Variants in PRX observed in about 807,000 individuals in gnomAD.
PRX encodes periaxin.
A neutral mutation model predicts 29.6 loss-of-function variants in PRX; 24 were observed. That is an observed-to-expected ratio of 0.81 (90% CI 0.59 to 1.14). PRX has a LOEUF of 1.14. Ranked by LOEUF, PRX falls within the 50% of genes most tolerant of loss-of-function variation. The pLI, the probability that PRX is intolerant of heterozygous loss-of-function variation, is 0.00. For synonymous variants in PRX, 772 were observed against 831.7 expected (o/e 0.93, Z 1.24); for missense variants, 1,838 against 1,926.4 (o/e 0.95, Z 0.86).
upstream of PRX, among the ~76,000 whole-genome samples, chr19:40,414,414 G>A (rs963534797): frequency 6.6e-5 from 10 of 152,130 alleles, no homozygotes; most frequent in African/African-American, 1.4e-4. Context: ...GTGAGCCACC[G>A]CGTCCAGCTA....
In PRX at chr19:40,403,727, T is replaced by C. The variant is rs763366666; in HGVS notation, c.163A>G (p.Arg55Gly). 4 of 1,563,378 alleles carry C rather than the reference T, an allele frequency of 2.6e-6. No homozygotes were observed. Among genetic ancestry groups the C allele is most frequent in the Middle Eastern group, 2.0e-4 (1 of 4,934 alleles). The change falls in exon 5 of 7, where the codon AGG becomes GGG. Residue 55 changes from arginine (R) to glycine (G), a missense_variant. Arg to Gly is a moderately radical substitution (Grantham distance 125). Transcript: ENST00000324001. ...RELREDSPAA[R>G]SLSLQEGDQL... ...CCACCTTCCTGCAGGCTGAGGCTCC[T>C]GGCGGCGGGTGAGTCCTCGCGCAGC...
At chr19:40,410,276 T>G (rs79563280) in intron 1 of PRX, among the ~76,000 whole-genome samples, 6 of 152,122 alleles carry the variant, frequency 3.9e-5, no homozygotes, top group Non-Finnish European at 7.4e-5. Flanking sequence ...CAACCCCTAT[T>G]GCACAGGGAA....
chr19:40,396,125 G>A lies in PRX; in HGVS notation c.2227C>T (p.Pro743Ser). The A allele has an allele frequency of 6.2e-7, 1 of 1,613,904 alleles. No homozygotes were observed. The highest frequency in any genetic ancestry group is 8.5e-7 in the Non-Finnish European group (1 of 1,179,808). ...GACACTTTCGGCAGCTGCACCTCGG[G>A]GAGGTGCACATCGGGCACAGCCATC... ...PEMAVPDVHL[P>S]EVQLPKVSEI... Residue 743 changes from proline (P) to serine (S), a missense_variant, in exon 7 of 7, where the codon CCC (proline) becomes TCC (serine). Transcript: ENST00000324001.
intron 5 of PRX, among the ~76,000 whole-genome samples, chr19:40,399,850 C>CCTCT (rs1555801715): frequency 2.5e-5 from 3 of 119,624 alleles, no homozygotes; most frequent in Non-Finnish European, 3.6e-5. Flanking sequence ...AGCTTTCTTT[C>CCTCT]CTTTCTTTCT....
rs2613842 is a variant in PRX at position 40,403,914 on chromosome 19, C to T, written c.28-52G>A. On this transcript the variant is annotated intron_variant, in intron 4 of 6. Coordinates refer to ENST00000324001, the MANE Select transcript of PRX (RefSeq NM_181882.3). ...TGGGGCTCTAGGGCCGGACCTCGCC[C>T]AGAGCCCGCCATTGCGCTCAACAGT... 303,597 of 1,578,042 alleles carry T rather than the reference C, an allele frequency of 0.19. 30,925 individuals carry two copies. The highest frequency in any genetic ancestry group is 0.21 in the Non-Finnish European group (244,300 of 1,166,924).
At chr19:40,400,272 G>A (rs541260813) in intron 5 of PRX, among the ~76,000 whole-genome samples, 3 of 147,162 alleles carry the variant, frequency 2.0e-5, no homozygotes, top group South Asian at 2.2e-4. Flanking sequence ...GTGAGCCACC[G>A]TGCCCAGCCC....
chr19:40,407,212 T>TTGTGTGTGTGTGTGTGTGTG (rs72256185), intron 4 of PRX, among the ~76,000 whole-genome samples: 171 of 133,882 alleles, frequency 1.3e-3, no homozygotes, highest in African/African-American at 4.7e-3. Flanking sequence ...TTATATGCCC[T>TTGTGTGTGTGTGTGTGTGTG]TGTGTGTGTG....
Position 40,397,590 on chromosome 19 carries a change from G to T in PRX, c.762C>A (p.Pro254=), listed in dbSNP as rs546448969. The T allele has an allele frequency of 1.4e-5, 22 of 1,542,246 alleles. No homozygotes were observed. The African/African-American group carries it at 2.5e-4, about 17-fold the overall frequency. ...AEVGVPQVSA[P]KAAPSAEAAG... ...CTGCCTCTGCTGAGGGGGCAGCCTT[G>T]GGGGCTGAGACCTGGGGGACACCCA... Residue 254 remains proline, a synonymous_variant, in exon 7 of 7, where the codon CCC becomes CCA. Transcript: ENST00000324001.
chr19:40,403,419 T>C (rs899067735), intron 5 of PRX, among the ~76,000 whole-genome samples: 3 of 152,054 alleles, frequency 2.0e-5, no homozygotes, highest in African/African-American at 7.2e-5. Flanking sequence ...AAATCCTCAA[T>C]ACATAATAAC....
chr19:40,394,595 T>G lies in PRX; in HGVS notation c.3757A>C (p.Arg1253=). The G allele has an allele frequency of 6.2e-7, 1 of 1,608,468 alleles. No individual in the cohort carries two copies. Among genetic ancestry groups the G allele is most frequent in the Non-Finnish European group, 8.5e-7 (1 of 1,179,104 alleles). The part of the protein sequence containing the change: ...LRLKLPTLGA[R]ARVGGEGAEE... ...GCACCCTCGCCCCCCACCCTAGCTC[T>G]GGCCCCCAGTGTGGGCAACTTCAGC... Residue 1253 remains arginine (R), a synonymous_variant, in exon 7 of 7, where the codon AGA becomes CGA. Transcript: ENST00000324001. The surrounding 1 kb of genome is among the most constrained non-coding windows in gnomAD (Gnocchi z 5.8).
Position 40,395,122 on chromosome 19 carries a change from T to C in PRX, c.3230A>G (p.Gln1077Arg). The change falls in exon 7 of 7, where the codon CAA becomes CGA. Residue 1077 changes from glutamine (Q) to arginine (R), a missense_variant. By Grantham distance (43) the Gln-to-Arg change is conservative. This residue lies in a region of PRX where 1,143 missense variants were observed against 1,193.0 expected (regional missense o/e 0.96). Transcript: ENST00000324001. Reference sequence around the variant, plus strand: ...TTCCCCCGGGCTGGCACGATCACCTTGAACTTCTGCTTCCTTCCCTCGAGC... The same window carrying C: ...TTCCCCCGGGCTGGCACGATCACCTCGAACTTCTGCTTCCTTCCCTCGAGC... ...GLARGKEAEV[Q>R]GDRASPGEKA... is the part of the protein sequence containing the mutation. 1.2e-6 allele frequency: 2 copies of C among 1,614,082 alleles called. No individual in the cohort carries two copies. The highest frequency in any genetic ancestry group is 2.2e-5 in the South Asian group (2 of 91,078).
At chr19:40,409,451 CTATTATTAT>C (rs141778541) in intron 1 of PRX, among the ~76,000 whole-genome samples, 30 of 142,358 alleles carry the variant, frequency 2.1e-4, no homozygotes, top group South Asian at 9.0e-4. Flanking sequence ...TAAATACTTG[CTATTATTAT>C]TATTATTATT....
intron 1 of PRX, 91 bp from the exon 2 acceptor site, chr19:40,408,474 T>G: frequency 5.8e-6 from 1 of 171,272 alleles, no homozygotes; most frequent in East Asian, 1.6e-4. Flanking sequence ...TGATACCCTA[T>G]CCCCGTCGTG....
chr19:40,401,674 C>T (rs1030794709), intron 5 of PRX, among the ~76,000 whole-genome samples: 2 of 152,120 alleles, frequency 1.3e-5, no homozygotes, highest in African/African-American at 4.8e-5. Flanking sequence ...CATGGTCCCA[C>T]CTTGGGGCAT....
In PRX at chr19:40,403,860, C is replaced by G. The variant is rs1254549327; in HGVS notation, c.30G>C (p.Glu10Asp). 6.2e-7 allele frequency: 1 copy of G among 1,608,218 alleles called. No homozygotes were observed. The highest frequency in any genetic ancestry group is 1.7e-5 in the Admixed American group (1 of 59,782). ...TTTCCACCAACTCCGCCCGCCTCAGCTCCTGCAGAGGGCGGCGAGGTGTCG... is the reference window on the plus strand; with the variant it reads ...TTTCCACCAACTCCGCCCGCCTCAGGTCCTGCAGAGGGCGGCGAGGTGTCG... MEARSRSAE[E>D]LRRAELVEII... Residue 10 changes from glutamate to aspartate, a missense_variant and splice_region_variant, in exon 5 of 7, where the codon GAG (glutamate) becomes GAC (aspartate). By Grantham distance (45) the Glu-to-Asp change is conservative. Transcript: ENST00000324001.
chr19:40,403,682 G>GC, intron 5 of PRX, 24 bp downstream of exon 5: 1 of 1,459,270 alleles, frequency 6.9e-7, no homozygotes, highest in Middle Eastern at 2.5e-4. Flanking sequence ...GTTCGACCCC[G>GC]CCCCACACCC....
At chr19:40,406,899 G>T (rs187485950) in intron 4 of PRX, among the ~76,000 whole-genome samples, 2 of 149,920 alleles carry the variant, frequency 1.3e-5, no homozygotes, top group Non-Finnish European at 3.0e-5. Context: ...TCAGCCTCCC[G>T]AGTAGCTGGG....
Position 40,396,240 on chromosome 19 carries a change from C to T in PRX, c.2112G>A (p.Val704=), listed in dbSNP as rs2079434452. 10 of 1,613,514 alleles carry T rather than the reference C, an allele frequency of 6.2e-6. No individual in the cohort carries two copies. In the East Asian group the frequency reaches 8.9e-5, roughly 14 times the overall value. The part of the protein sequence containing the change: ...PKVPEMAVPD[V]HLPEVQLPKV... ...TGGGCAGCTGCACCTCTGGGAGGTGCACATCGGGCACGGCCATTTCAGGCA... is the reference window on the plus strand; with the variant it reads ...TGGGCAGCTGCACCTCTGGGAGGTGTACATCGGGCACGGCCATTTCAGGCA... Residue 704 remains valine, a synonymous_variant, in exon 7 of 7, where the codon GTG becomes GTA. Coordinates refer to ENST00000324001, the MANE Select transcript of PRX (RefSeq NM_181882.3).
At position 40,396,131 on chromosome 19, in the gene PRX, G is replaced by A. The variant is rs1599653314; in HGVS notation, c.2221C>T (p.His741Tyr). The A allele has an allele frequency of 6.2e-7, 1 of 1,613,744 alleles. No individual in the cohort carries two copies. ...KVPEMAVPDV[H>Y]LPEVQLPKVS... ...TTCGGCAGCTGCACCTCGGGGAGGT[G>A]CACATCGGGCACAGCCATCTCAGGC... is the stretch of plus-strand genomic sequence containing the variant. The change falls in exon 7 of 7, where the codon CAC becomes TAC. Residue 741 changes from histidine to tyrosine, a missense_variant. By Grantham distance (83) the His-to-Tyr change is moderately conservative. Coordinates refer to ENST00000324001, the MANE Select transcript of PRX (RefSeq NM_181882.3).
Sources: allele counts gnomAD v4.1 joint callset (sites outside exome capture counted in the v4.1 genomes callset), GRCh38; gene constraint gnomAD v4.1.1; regional missense constraint gnomAD v4.1.1; non-coding constraint Gnocchi (gnomAD v3.1); transcripts MANE v1.5; gene names NCBI Gene and HGNC (gene_info 2026-07-23, HGNC 2026-07-21).